The following SPATS2 variants were observed in gnomAD, a reference collection of about 807,000 sequenced individuals.
SPATS2 encodes the protein spermatogenesis associated serine rich 2, also known as spermatogenesis-associated serine-rich protein 2.
Under a neutral mutation model 63.7 loss-of-function variants are expected in SPATS2, and 38 were observed. That is an observed-to-expected ratio of 0.60 (90% CI 0.46 to 0.78). The LOEUF is 0.78. SPATS2 is among the 30% of genes least tolerant of loss of function. The pLI is 0.00. For synonymous variants in SPATS2, 207 were observed against 232.9 expected (o/e 0.89, Z 1.01); for missense variants, 588 against 666.2 (o/e 0.88, Z 1.29).
chr12:49,390,692 G>A (rs1944403531), intron 2 of SPATS2, among the ~76,000 whole-genome samples: 1 of 152,082 alleles, frequency 6.6e-6, no homozygotes, highest in Non-Finnish European at 1.5e-5. Flanking sequence ...AAGGCTATAG[G>A]AATGTGTTAT....
At chr12:49,460,084 G>A (rs527367155) in intron 2 of SPATS2, among the ~76,000 whole-genome samples, 273 of 151,140 alleles carry the variant, frequency 1.8e-3, no homozygotes, top group Non-Finnish European at 3.6e-3. Flanking sequence ...CTTCAGCCTG[G>A]GCAACAAGAG....
At chr12:49,495,778 G>A (rs1349790311) in intron 7 of SPATS2, among the ~76,000 whole-genome samples, 1 of 152,164 alleles carries the variant, frequency 6.6e-6, no homozygotes, top group Non-Finnish European at 1.5e-5. Flanking sequence ...AAATTGTGGA[G>A]TTATTCAGGA....
At chr12:49,477,772 A>T (rs192535211) in intron 3 of SPATS2, among the ~76,000 whole-genome samples, 1 of 152,228 alleles carries the variant, frequency 6.6e-6, no homozygotes, top group Admixed American at 6.5e-5. Context: ...AATTTCCCTG[A>T]TGTGCTCTGA....
Position 49,512,263 on chromosome 12 carries a change from T to C in SPATS2, c.840-2292T>C, listed in dbSNP as rs533575792. On this transcript the variant is annotated intron_variant, in intron 9 of 13. Transcript: ENST00000552918. ...CTTGTTTAACCCTGGGCTGACATCATAGGACTTTTCACTAGATGTTATCAA... is the reference window on the plus strand; with the variant it reads ...CTTGTTTAACCCTGGGCTGACATCACAGGACTTTTCACTAGATGTTATCAA... Among the ~76,000 whole-genome samples the C allele has an allele frequency of 1.8e-4, 28 of 152,330 alleles. No homozygotes were observed. The South Asian group carries it at 5.8e-3, about 32-fold the overall frequency.
At chr12:49,400,601 A>G (rs143013307) in intron 2 of SPATS2, among the ~76,000 whole-genome samples, 552 of 152,328 alleles carry the variant, frequency 3.6e-3, no homozygotes, top group Non-Finnish European at 6.3e-3. Flanking sequence ...TCTACAGTGC[A>G]TAACAGGAGA....
chr12:49,449,405 G>A (rs949292173), intron 2 of SPATS2, among the ~76,000 whole-genome samples: 1 of 152,094 alleles, frequency 6.6e-6, no homozygotes, highest in African/African-American at 2.4e-5. Flanking sequence ...TAGTAGAAAC[G>A]GGGTTTCACC....
intron 3 of SPATS2, chr12:49,469,542 TAAAAAA>T (rs748722366): frequency 3.1e-4 from 100 of 319,448 alleles, no homozygotes; most frequent in South Asian, 4.0e-4. Context: ...GCTGGGTCTC[TAAAAAA>T]AAAAAAAAAA....
intron 2 of SPATS2, chr12:49,389,611 A>G: frequency 1.8e-6 from 2 of 1,115,858 alleles, no homozygotes; most frequent in Non-Finnish European, 2.8e-6. Flanking sequence ...TGATTGAGCA[A>G]ACCACAGCTC....
At chr12:49,507,076 TAA>T (rs992943600) in intron 9 of SPATS2, among the ~76,000 whole-genome samples, 2 of 152,200 alleles carry the variant, frequency 1.3e-5, no homozygotes, top group African/African-American at 2.4e-5. Flanking sequence ...AGTAAAACTA[TAA>T]GAATACTCCA....
In SPATS2 at chr12:49,445,530, C is replaced by G. The variant is rs1427202730; in HGVS notation, c.-243-15240C>G. 2.0e-5 allele frequency among the ~76,000 whole-genome samples: 3 copies of G among 151,734 alleles called. No homozygotes were observed. The East Asian group carries it at 5.8e-4, about 29-fold the overall frequency. ...TTATTTTCTTTTCTTTATCTTTTCT[C>G]TTTTTGAGACAGCGTCTCACTTTGT... On this transcript the variant is annotated intron_variant, in intron 2 of 13. Transcript: ENST00000552918.
chr12:49,483,027 G>T (rs753703035), intron 3 of SPATS2, among the ~76,000 whole-genome samples: 2 of 149,940 alleles, frequency 1.3e-5, no homozygotes, highest in Middle Eastern at 3.4e-3. Flanking sequence ...GGGCTCAAGC[G>T]ATCCACCTGC....
chr12:49,471,208 A>C (rs915066456), intron 3 of SPATS2, among the ~76,000 whole-genome samples: 1 of 152,230 alleles, frequency 6.6e-6, no homozygotes, highest in Non-Finnish European at 1.5e-5. Context: ...AGTGTCTAGC[A>C]GAATGAAGCA....
intron 2 of SPATS2, among the ~76,000 whole-genome samples, chr12:49,396,621 C>T (rs1266792194): frequency 6.6e-6 from 1 of 152,204 alleles, no homozygotes; most frequent in Non-Finnish European, 1.5e-5. Flanking sequence ...ATTTAGATCT[C>T]ACATCTGTGA....
intron 2 of SPATS2, among the ~76,000 whole-genome samples, chr12:49,388,736 C>T (rs1944365674): frequency 6.6e-6 from 1 of 151,296 alleles, no homozygotes; most frequent in Non-Finnish European, 1.5e-5. Context: ...ACTCTCTTGC[C>T]CAGGCTGGAG....
chr12:49,503,606 G>T (rs575804272), intron 9 of SPATS2, among the ~76,000 whole-genome samples: 1 of 150,728 alleles, frequency 6.6e-6, no homozygotes, highest in African/African-American at 2.5e-5. Flanking sequence ...CCAAGATCGC[G>T]CCACTGCACT....
chr12:49,464,411 G>A (rs1347221781), intron 3 of SPATS2, among the ~76,000 whole-genome samples: 1 of 151,058 alleles, frequency 6.6e-6, no homozygotes, highest in Non-Finnish European at 1.5e-5. Flanking sequence ...TCTGAGGTTG[G>A]GAGTTCGAGA....
chr12:49,496,282 G>A (rs141631254), intron 7 of SPATS2, among the ~76,000 whole-genome samples: 64 of 152,120 alleles, frequency 4.2e-4, no homozygotes, highest in African/African-American at 1.5e-3. Context: ...TTGTTTGTTT[G>A]TTTGTTTGTT....
chr12:49,388,924 T>G (rs1944369406), intron 2 of SPATS2, among the ~76,000 whole-genome samples: 1 of 151,946 alleles, frequency 6.6e-6, no homozygotes, highest in South Asian at 2.1e-4. Flanking sequence ...GAACTCCTGG[T>G]CTCAAGCAGT....
chr12:49,436,751 T>C (rs1451149046), intron 2 of SPATS2, among the ~76,000 whole-genome samples: 52 of 96,308 alleles, frequency 5.4e-4, no homozygotes, highest in Admixed American at 7.4e-4. Context: ...CCCCACATCC[T>C]TCCCGGACAG....
Sources: gnomAD v4.1 joint callset for allele counts (sites outside exome capture counted in the v4.1 genomes callset) on GRCh38, gnomAD v4.1.1 for gene constraint, MANE v1.5 for transcripts, NCBI Gene and HGNC (gene_info 2026-07-23, HGNC 2026-07-21) for gene names.